The following MYO18B variants were observed in gnomAD, a reference collection of about 807,000 sequenced individuals.
MYO18B encodes the protein unconventional myosin-XVIIIb.
In MYO18B, 204 loss-of-function variants were observed where a neutral mutation model predicts 273.0. The observed-to-expected ratio is 0.75, with a 90% CI of 0.67 to 0.84. The LOEUF (loss-of-function observed/expected upper bound fraction) is 0.84, where lower values mean the gene tolerates loss of function less well. Ranked by LOEUF, MYO18B falls within the 40% of genes least tolerant of loss-of-function variation. The probability of loss-of-function intolerance (pLI) is 0.00; values close to 1 mark genes in which losing one functional copy is unlikely to be tolerated. For missense variants in MYO18B, 3,212 were observed against 3,287.6 expected (o/e 0.98, Z 0.56); for synonymous variants, 1,330 against 1,305.7 (o/e 1.02, Z -0.40).
intron 12 of MYO18B, among the ~76,000 whole-genome samples, chr22:25,804,831 C>T (rs940533249): frequency 6.6e-6 from 1 of 152,220 alleles, no homozygotes; most frequent in Non-Finnish European, 1.5e-5. Context: ...ACAGCCTTGG[C>T]AGATGGGGCA....
At chr22:26,060,737 T>C in the MYO18B span, among the ~76,000 whole-genome samples, 2,278 of 151,834 alleles carry the variant, frequency 0.015, 24 homozygotes, top group Non-Finnish European at 0.023. Flanking sequence ...CATGCACACA[T>C]ATATACATAT....
At chr22:25,966,682 G>A (rs2092982890) in intron 39 of MYO18B, among the ~76,000 whole-genome samples, 1 of 152,166 alleles carries the variant, frequency 6.6e-6, no homozygotes, top group South Asian at 2.1e-4. Context: ...GCTGACAGGG[G>A]AACCCGCGGG....
At position 25,770,888 on chromosome 22, in the gene MYO18B, A is replaced by G. The variant is rs567881124; in HGVS notation, c.1596A>G (p.Pro532=). The G allele has an allele frequency of 3.9e-6, 6 of 1,551,950 alleles. No homozygotes were observed. The Admixed American group carries it at 1.2e-4, about 30-fold the overall frequency. Residue 532 remains proline (P), a synonymous_variant, in exon 6 of 44, where the codon CCA becomes CCG. Coordinates refer to ENST00000335473, the MANE Select transcript of MYO18B (RefSeq NM_032608.7). Reference sequence around the variant, plus strand: ...TCCAACCAGCTACGGTGCTAAAGCCAGATGAGGGAACAGCAGACCTGCCAG... The same window carrying G: ...TCCAACCAGCTACGGTGCTAAAGCCGGATGAGGGAACAGCAGACCTGCCAG... ...DGFTLATVLK[P]DEGTADLPAG...
chr22:25,934,802 G>C (rs535379286), intron 34 of MYO18B, among the ~76,000 whole-genome samples: 7 of 152,300 alleles, frequency 4.6e-5, no homozygotes, highest in African/African-American at 1.7e-4. Context: ...GGATGACTTT[G>C]AATAGAATGA....
chr22:25,789,739 CAGAAAACA>C (rs2087572740), intron 11 of MYO18B, among the ~76,000 whole-genome samples: 1 of 152,156 alleles, frequency 6.6e-6, no homozygotes, highest in South Asian at 2.1e-4. Flanking sequence ...TCGAGCAAAC[CAGAAAACA>C]AGCGCCATTC....
At chr22:25,788,722 T>A (rs1242158101) in intron 11 of MYO18B, among the ~76,000 whole-genome samples, 1 of 152,136 alleles carries the variant, frequency 6.6e-6, no homozygotes, top group Admixed American at 6.5e-5. Context: ...CCCTCCTCCT[T>A]CCTTCTCCTC....
At chr22:25,997,976 C>CGAGAGAGAGAGAGAGAGAGAGAGAG (rs1381007559) in intron 40 of MYO18B, among the ~76,000 whole-genome samples, 1 of 121,174 alleles carries the variant, frequency 8.3e-6, no homozygotes, top group African/African-American at 3.1e-5. Context: ...CACACACACA[C>CGAGAGAGAGAGAGAGAGAGAGAGAG]ACGAGAGAGA....
chr22:26,005,111 A>G (rs1934315276), intron 42 of MYO18B, among the ~76,000 whole-genome samples: 1 of 152,204 alleles, frequency 6.6e-6, no homozygotes, highest in Non-Finnish European at 1.5e-5. Flanking sequence ...TGAAGCAATG[A>G]GGACCTAATG....
At chr22:25,758,758 G>T (rs1460643512) in intron 1 of MYO18B, among the ~76,000 whole-genome samples, 2 of 151,362 alleles carry the variant, frequency 1.3e-5, no homozygotes, top group African/African-American at 2.4e-5. Flanking sequence ...GGGGTGATGA[G>T]AATTTTTTTT....
In MYO18B at chr22:25,944,719, C is replaced by T. The variant is rs534801595; in HGVS notation, c.5518-1418C>T. 5.3e-5 allele frequency among the ~76,000 whole-genome samples: 8 copies of T among 152,014 alleles called. No homozygotes were observed. The East Asian group carries it at 5.8e-4, about 11-fold the overall frequency. On this transcript the variant is annotated intron_variant, in intron 34 of 43. Transcript: ENST00000335473. The stretch of plus-strand genomic sequence containing the variant: ...AAAATTAGCCGTGCATGGTGGCAGG[C>T]GCCTGTAGTCCCAGCTACTCCAGAG...
intron 12 of MYO18B, among the ~76,000 whole-genome samples, chr22:25,810,730 T>G (rs895227843): frequency 6.6e-5 from 10 of 151,876 alleles, no homozygotes; most frequent in African/African-American, 2.4e-4. Context: ...CCCACCGTGC[T>G]TGGCCGACTT....
intron 42 of MYO18B, among the ~76,000 whole-genome samples, chr22:26,022,911 A>T (rs1207096089): frequency 6.6e-6 from 1 of 152,242 alleles, no homozygotes; most frequent in Non-Finnish European, 1.5e-5. Flanking sequence ...TGGGCCCAGC[A>T]AACCTATGGC....
chr22:25,795,891 A>C (rs1323658277), intron 11 of MYO18B, among the ~76,000 whole-genome samples: 1 of 152,174 alleles, frequency 6.6e-6, no homozygotes, highest in Non-Finnish European at 1.5e-5. Context: ...TCAGTTCAAG[A>C]ATCAGAAAAG....
At chr22:25,886,940 A>G in intron 25 of MYO18B, among the ~76,000 whole-genome samples, 1 of 152,232 alleles carries the variant, frequency 6.6e-6, no homozygotes, top group East Asian at 1.9e-4. Context: ...GGCTTAAGGC[A>G]AATGACATAT....
chr22:25,946,278 G>C (rs1159464575), intron 35 of MYO18B, 28 bp downstream of exon 35: 2 of 1,493,038 alleles, frequency 1.3e-6, no homozygotes, highest in South Asian at 1.2e-5. Flanking sequence ...CAGCTGCAGG[G>C]ACCTGGGCCA....
intron 33 of MYO18B, 22 bp from the exon 34 acceptor site, chr22:25,921,235 T>C (rs548906662): frequency 1.9e-6 from 3 of 1,543,856 alleles, no homozygotes; most frequent in East Asian, 4.9e-5. Flanking sequence ...CCTAAGCTCA[T>C]GGGTCTCCCT....
In MYO18B at chr22:25,895,676, C is replaced by T. The variant is rs141108703; in HGVS notation, c.4668+396C>T. On this transcript the variant is annotated intron_variant, in intron 28 of 43. Coordinates refer to ENST00000335473, the MANE Select transcript of MYO18B (RefSeq NM_032608.7). ...GTTCTAATCTGCTACCTTCATCTCT[C>T]ATCCAGACCAAAGCAATAGCCTCCT... 1.7e-4 allele frequency: 27 copies of T among 159,746 alleles called. No individual in the cohort carries two copies. In the East Asian group the frequency reaches 3.6e-3, roughly 21 times the overall value. 9.9% of individuals were successfully genotyped at this position (159,746 alleles called of 1,614,324 possible). A position where few individuals can be genotyped will look rare whatever the true frequency, so the allele number is the denominator to read the frequency against.
the MYO18B span, among the ~76,000 whole-genome samples, chr22:26,053,300 T>A: frequency 2.6e-5 from 4 of 152,204 alleles, no homozygotes; most frequent in Non-Finnish European, 5.9e-5. Context: ...GTTAAACACA[T>A]TTCTGTGAAA....
At chr22:25,796,841 C>G (rs957812844) in intron 11 of MYO18B, among the ~76,000 whole-genome samples, 1 of 152,178 alleles carries the variant, frequency 6.6e-6, no homozygotes, top group Admixed American at 6.5e-5. Flanking sequence ...AAAGCCCACG[C>G]CCTTTAGTAT....
Sources: gnomAD v4.1 joint callset for allele counts (sites outside exome capture counted in the v4.1 genomes callset) on GRCh38, gnomAD v4.1.1 for gene constraint, MANE v1.5 for transcripts, NCBI Gene and HGNC (gene_info 2026-07-23, HGNC 2026-07-21) for gene names.